CDH3: variants seen among roughly 807,000 people sequenced by gnomAD.
The protein encoded by CDH3 is cadherin-3.
A neutral mutation model predicts 82.0 loss-of-function variants in CDH3; 54 were observed. That is an observed-to-expected ratio of 0.66 (90% CI 0.53 to 0.83). CDH3 has a LOEUF of 0.83. Ranked by LOEUF, CDH3 falls within the 40% of genes least tolerant of loss-of-function variation. The pLI, the probability that CDH3 is intolerant of heterozygous loss-of-function variation, is 0.00. For missense variants in CDH3, 1,054 were observed against 1,084.6 expected (o/e 0.97, Z 0.40); for synonymous variants, 446 against 437.9 (o/e 1.02, Z -0.23).
chr16:68,733,079 C>A, the CDH3 span, among the ~76,000 whole-genome samples: 41 of 152,158 alleles, frequency 2.7e-4, no homozygotes, highest in African/African-American at 9.6e-4. Flanking sequence ...TTTACAAGAA[C>A]CTTATGAATT....
At chr16:68,649,753 G>T (rs879120295) in intron 2 of CDH3, among the ~76,000 whole-genome samples, 1 of 152,168 alleles carries the variant, frequency 6.6e-6, no homozygotes, top group Admixed American at 6.5e-5. Flanking sequence ...CTACTGAGGG[G>T]CGAGGCGCGG....
chr16:68,645,356 T>C lies in CDH3; in HGVS notation c.-24T>C. 2 of 1,612,086 alleles carry C rather than the reference T, an allele frequency of 1.2e-6. No individual in the cohort carries two copies. The highest frequency in any genetic ancestry group is 1.7e-6 in the Non-Finnish European group (2 of 1,179,190). ...AACACCGGCCCGCCGTCGCGGCAGCTGCTTCACCCCTCTCTCTGCAGCCAT... is the reference window on the plus strand; with the variant it reads ...AACACCGGCCCGCCGTCGCGGCAGCCGCTTCACCCCTCTCTCTGCAGCCAT... On this transcript the variant is annotated 5_prime_UTR_variant, in exon 1 of 16. Coordinates refer to ENST00000264012, the MANE Select transcript of CDH3 (RefSeq NM_001793.6).
At chr16:68,711,694 C>T (rs1284373452) in intron 1 of CDH3, among the ~76,000 whole-genome samples, 1 of 152,194 alleles carries the variant, frequency 6.6e-6, no homozygotes, top group Non-Finnish European at 1.5e-5. Flanking sequence ...TCTTCTTTGC[C>T]TCCCCACTGG....
At chr16:68,687,785 G>T (rs375258307) in intron 12 of CDH3, 49 bp downstream of exon 12, 1 of 1,353,840 alleles carries the variant, frequency 7.4e-7, no homozygotes, top group South Asian at 1.2e-5. Context: ...CCCACTGGTG[G>T]GCATCTGCCC....
intron 1 of CDH3, among the ~76,000 whole-genome samples, chr16:68,710,595 C>G (rs991000141): frequency 6.6e-6 from 1 of 151,878 alleles, no homozygotes; most frequent in African/African-American, 2.4e-5. Flanking sequence ...CGGTGGCTCA[C>G]GCCTGTAATC....
chr16:68,698,202 G>C lies in CDH3; in HGVS notation c.2292G>C (p.Ala764=). 6.2e-7 allele frequency: 1 copy of C among 1,614,178 alleles called. No individual in the cohort carries two copies. Among genetic ancestry groups the C allele is most frequent in the East Asian group, 2.2e-5 (1 of 44,888 alleles). ...IGNFIIENLK[A]ANTDPTAPPY... The stretch of plus-strand genomic sequence containing the variant: ...CTCTGTTGCCGCAGAACCTGAAGGC[G>C]GCTAACACAGACCCCACAGCCCCGC... The change falls in exon 16 of 16, where the codon GCG becomes GCC. Residue 764 remains alanine (A), a synonymous_variant. Coordinates refer to ENST00000264012, the MANE Select transcript of CDH3 (RefSeq NM_001793.6).
intron 2 of CDH3, among the ~76,000 whole-genome samples, chr16:68,723,972 G>A: frequency 6.6e-6 from 1 of 151,908 alleles, no homozygotes; most frequent in East Asian, 1.9e-4. Flanking sequence ...GGGAGGCTGA[G>A]GCAGGAGAAT....
intron 2 of CDH3, among the ~76,000 whole-genome samples, chr16:68,660,664 A>G (rs1038573117): frequency 1.8e-4 from 28 of 152,122 alleles, no homozygotes; most frequent in African/African-American, 5.1e-4. Context: ...TGCATTCTTG[A>G]AAACCACAAA....
chr16:68,732,504 G>C, the CDH3 span, among the ~76,000 whole-genome samples: 1 of 152,200 alleles, frequency 6.6e-6, no homozygotes, highest in Non-Finnish European at 1.5e-5. Flanking sequence ...CCCATCATGC[G>C]GGGTCTGTTA....
intron 8 of CDH3, among the ~76,000 whole-genome samples, chr16:68,682,044 C>T (rs566977785): frequency 3.3e-5 from 5 of 152,154 alleles, no homozygotes; most frequent in South Asian, 4.2e-4. Context: ...CATGCAAACC[C>T]GTGAGATTTC....
In CDH3 at chr16:68,687,657, G is replaced by A. The variant is rs754474742; in HGVS notation, c.1716G>A (p.Leu572=). The A allele has an allele frequency of 1.3e-5, 21 of 1,613,972 alleles. No homozygotes were observed. The Admixed American group carries it at 3.3e-4, about 26-fold the overall frequency. Residue 572 remains leucine (L), a synonymous_variant, in exon 12 of 16, where the codon CTG becomes CTA. Coordinates refer to ENST00000264012, the MANE Select transcript of CDH3 (RefSeq NM_001793.6). ...RQVLNITDKD[L]SPHTSPFQAQ... is the part of the protein sequence containing the mutation. ...TGCTGAACATCACGGACAAGGACCT[G>A]TCTCCCCACACCTCCCCTTTCCAGG...
chr16:68,678,707 T>C, intron 5 of CDH3, 51 bp downstream of exon 5: 19 of 1,614,160 alleles, frequency 1.2e-5, no homozygotes, highest in Non-Finnish European at 1.6e-5. Flanking sequence ...AGTGGGATCC[T>C]AGGCCTGGTG....
chr16:68,721,481 G>A (rs555139896), intron 1 of CDH3, among the ~76,000 whole-genome samples: 9 of 151,776 alleles, frequency 5.9e-5, no homozygotes, highest in Non-Finnish European at 1.2e-4. Flanking sequence ...TGATCAACCC[G>A]CCTTGGCCTC....
chr16:68,704,903 T>A (rs1397661631), downstream of CDH3, among the ~76,000 whole-genome samples: 1 of 151,866 alleles, frequency 6.6e-6, no homozygotes, highest in African/African-American at 2.4e-5. Flanking sequence ...TAAAAAACAA[T>A]TTTTTTTGAT....
chr16:68,725,555 G>A lies in CDH3; in HGVS notation c.*46-1598G>A, dbSNP rs925819398. Among the ~76,000 whole-genome samples the A allele has an allele frequency of 5.9e-5, 9 of 151,770 alleles. No individual in the cohort carries two copies. The East Asian group carries it at 7.9e-4, about 13-fold the overall frequency. On this transcript the variant is annotated intron_variant, in intron 2 of 2. Coordinates refer to the CDH3 transcript ENST00000569080. ...TCACCATGTTAGCCAGGATGGTCTC[G>A]ATCTCCTGACCTCCTGATCCACCCG...
chr16:68,674,257 T>C (rs1173411211), intron 2 of CDH3, among the ~76,000 whole-genome samples: 1 of 152,224 alleles, frequency 6.6e-6, no homozygotes, highest in East Asian at 1.9e-4. Context: ...CTCATTGTGA[T>C]TTTGATTTGC....
intron 2 of CDH3, among the ~76,000 whole-genome samples, chr16:68,725,569 C>A (rs4783567): frequency 6.6e-6 from 1 of 151,716 alleles, no homozygotes; most frequent in African/African-American, 2.4e-5. Context: ...TCCTGACCTC[C>A]TGATCCACCC....
At chr16:68,705,205 C>G (rs558005666), downstream of CDH3, among the ~76,000 whole-genome samples, 2 of 152,132 alleles carry the variant, frequency 1.3e-5, no homozygotes, top group South Asian at 4.2e-4. Context: ...CAGATGGGGC[C>G]GTGGGGCAGG....
At chr16:68,692,778 G>A (rs1393783145) in intron 13 of CDH3, among the ~76,000 whole-genome samples, 5 of 152,174 alleles carry the variant, frequency 3.3e-5, no homozygotes, top group Admixed American at 6.6e-5. Context: ...AACACACATC[G>A]TCAGTCAGAG....
Sources: gnomAD v4.1 joint callset for allele counts (sites outside exome capture counted in the v4.1 genomes callset) on GRCh38, gnomAD v4.1.1 for gene constraint, MANE v1.5 for transcripts, NCBI Gene and HGNC (gene_info 2026-07-23, HGNC 2026-07-21) for gene names.